SGCZ: variants seen among roughly 807,000 people sequenced by gnomAD.
SGCZ encodes zeta-sarcoglycan.
Under a neutral mutation model 41.3 loss-of-function variants are expected in SGCZ, and 40 were observed. The ratio of observed to expected loss-of-function variants is 0.97; its 90% CI spans 0.75 to 1.26. The LOEUF (loss-of-function observed/expected upper bound fraction) is 1.26, where lower values mean the gene tolerates loss of function less well. Ranked by LOEUF, SGCZ falls within the 50% of genes most tolerant of loss-of-function variation. The pLI is 0.00. For synonymous variants in SGCZ, 206 were observed against 137.5 expected (o/e 1.50, Z -3.49); for missense variants, 552 against 369.8 (o/e 1.49, Z -4.04).
chr8:14,419,244 T>C (rs1037644378), intron 2 of SGCZ, among the ~76,000 whole-genome samples: 2 of 151,920 alleles, frequency 1.3e-5, no homozygotes, highest in African/African-American at 4.8e-5. Context: ...TGTGGCAACA[T>C]CCATATCTGG....
chr8:14,766,727 A>ATTTT (rs33955290), intron 1 of SGCZ, among the ~76,000 whole-genome samples: 9 of 92,780 alleles, frequency 9.7e-5, no homozygotes, highest in East Asian at 3.1e-4. Context: ...ATGTCCAGCT[A>ATTTT]TTTTTTTTTT....
At chr8:14,668,752 A>C (rs971895023) in intron 1 of SGCZ, among the ~76,000 whole-genome samples, 2 of 152,206 alleles carry the variant, frequency 1.3e-5, no homozygotes, top group African/African-American at 4.8e-5. Flanking sequence ...GAAAATGCCA[A>C]CATCATGCAG....
At chr8:14,969,105 C>T (rs997737544) in intron 1 of SGCZ, among the ~76,000 whole-genome samples, 4 of 151,970 alleles carry the variant, frequency 2.6e-5, no homozygotes, top group South Asian at 2.1e-4. Flanking sequence ...CAATTAACAC[C>T]GCACTCTCAT....
chr8:15,050,858 T>C (rs1804486025), intron 1 of SGCZ, among the ~76,000 whole-genome samples: 1 of 152,166 alleles, frequency 6.6e-6, no homozygotes, highest in Admixed American at 6.6e-5. Context: ...AGATGAGAGA[T>C]ATTAGCATAT....
At chr8:14,107,289 T>G (rs1243544281) in intron 6 of SGCZ, among the ~76,000 whole-genome samples, 1 of 152,110 alleles carries the variant, frequency 6.6e-6, no homozygotes, top group African/African-American at 2.4e-5. Context: ...ATCTAGATTT[T>G]ATTATTTTGA....
chr8:14,815,678 G>C (rs1197920547), intron 1 of SGCZ, among the ~76,000 whole-genome samples: 7 of 152,256 alleles, frequency 4.6e-5, no homozygotes, highest in Non-Finnish European at 1.0e-4. Context: ...GTAGCAGTGT[G>C]AACAACTATT....
intron 1 of SGCZ, among the ~76,000 whole-genome samples, chr8:15,104,617 C>A (rs1806747664): frequency 6.6e-6 from 1 of 152,136 alleles, no homozygotes; most frequent in Non-Finnish European, 1.5e-5. Context: ...ATAAACTATT[C>A]TGTAAGTATG....
intron 1 of SGCZ, among the ~76,000 whole-genome samples, chr8:15,096,123 G>A (rs1806336762): frequency 6.6e-6 from 1 of 151,964 alleles, no homozygotes; most frequent in Non-Finnish European, 1.5e-5. Context: ...TGTACCGCAG[G>A]CTGGAGTGCA....
chr8:14,477,231 A>G (rs1801387203), intron 2 of SGCZ, among the ~76,000 whole-genome samples: 1 of 152,122 alleles, frequency 6.6e-6, no homozygotes. Flanking sequence ...TCACTGGCCT[A>G]CTACCGTTGT....
chr8:14,888,866 T>C (rs1251349314), intron 1 of SGCZ, among the ~76,000 whole-genome samples: 1 of 152,150 alleles, frequency 6.6e-6, no homozygotes, highest in African/African-American at 2.4e-5. Context: ...GTAATAAATA[T>C]GGCTTAAAAT....
rs536316606 is a variant in SGCZ at position 15,082,297 on chromosome 8, T to G, written c.39+155288A>C. ...TTTTATATATTTGATAGAGACAAAG[T>G]AGTTTAGTTTATTTGGAATCCTTCC... On this transcript the variant is annotated intron_variant, in intron 1 of 7. Transcript: ENST00000382080. Among the ~76,000 whole-genome samples the G allele has an allele frequency of 9.9e-5, 15 of 152,158 alleles. No individual in the cohort carries two copies. In the South Asian group the frequency reaches 2.9e-3, roughly 29 times the overall value.
In SGCZ at chr8:14,838,751, T is replaced by G. The variant is rs1021740719; in HGVS notation, c.40-283825A>C. On this transcript the variant is annotated intron_variant, in intron 1 of 7. Transcript: ENST00000382080. ...TCTAAGACCCTGGAGTATAAAATCT[T>G]TGTTTTCTTGTGCCTCCCTTGTATC... 5.9e-5 allele frequency among the ~76,000 whole-genome samples: 9 copies of G among 152,278 alleles called. No individual in the cohort carries two copies. In the East Asian group the frequency reaches 1.7e-3, roughly 29 times the overall value.
chr8:14,932,105 T>A (rs1292751698), intron 1 of SGCZ, among the ~76,000 whole-genome samples: 2 of 152,128 alleles, frequency 1.3e-5, no homozygotes, highest in East Asian at 3.9e-4. Flanking sequence ...GAATGTGACA[T>A]ATAAATTTTA....
chr8:15,123,600 G>A (rs1364912106), intron 1 of SGCZ, among the ~76,000 whole-genome samples: 1 of 152,108 alleles, frequency 6.6e-6, no homozygotes, highest in African/African-American at 2.4e-5. Context: ...GCAAGAACCT[G>A]GGTGTCTTAA....
intron 1 of SGCZ, among the ~76,000 whole-genome samples, chr8:14,695,125 G>T (rs981546309): frequency 6.6e-6 from 1 of 151,760 alleles, no homozygotes; most frequent in Non-Finnish European, 1.5e-5. Flanking sequence ...TTCAAGAAAA[G>T]GAAGAGTCAA....
intron 2 of SGCZ, among the ~76,000 whole-genome samples, chr8:14,408,933 C>G (rs1299928828): frequency 7.9e-6 from 1 of 126,484 alleles, no homozygotes; most frequent in Non-Finnish European, 1.6e-5. Flanking sequence ...TAAAAGCTAA[C>G]ACATTTTTAA....
At chr8:14,798,251 A>G (rs368831958) in intron 1 of SGCZ, among the ~76,000 whole-genome samples, 1 of 152,236 alleles carries the variant, frequency 6.6e-6, no homozygotes, top group East Asian at 1.9e-4. Context: ...AAAGTATAGA[A>G]ATCAATGAAG....
At chr8:14,109,360 G>C (rs1363816664) in intron 5 of SGCZ, among the ~76,000 whole-genome samples, 1 of 151,890 alleles carries the variant, frequency 6.6e-6, no homozygotes, top group Non-Finnish European at 1.5e-5. Context: ...CCAAAATCAA[G>C]TGGGAAAAAA....
chr8:15,223,247 C>A (rs566501998), intron 1 of SGCZ, among the ~76,000 whole-genome samples: 1 of 152,268 alleles, frequency 6.6e-6, no homozygotes, highest in South Asian at 2.1e-4. Flanking sequence ...AAGCTAAGCA[C>A]TATCTAAAAT....
Sources: gnomAD v4.1 joint callset for allele counts (sites outside exome capture counted in the v4.1 genomes callset) on GRCh38, gnomAD v4.1.1 for gene constraint, MANE v1.5 for transcripts, NCBI Gene and HGNC (gene_info 2026-07-23, HGNC 2026-07-21) for gene names.